JCAD: variants seen among roughly 807,000 people sequenced by gnomAD.
The protein encoded by JCAD is junctional cadherin 5 associated, also known as junctional cadherin 5-associated protein.
In JCAD, 40 loss-of-function variants were observed where a neutral mutation model predicts 98.0. That is an observed-to-expected ratio of 0.41 (90% CI 0.32 to 0.53). The LOEUF is 0.53. Among genes scored for constraint, JCAD ranks in the 20% least tolerant of loss-of-function variants. JCAD has a pLI of 0.31. For synonymous variants in JCAD, 691 were observed against 682.3 expected (o/e 1.01, Z -0.20); for missense variants, 1,705 against 1,738.1 (o/e 0.98, Z 0.34).
chr10:30,042,827 G>A lies in JCAD; in HGVS notation c.281+4705C>T, dbSNP rs548927231. On this transcript the variant is annotated intron_variant, in intron 2 of 3. Transcript: ENST00000375377. The stretch of plus-strand genomic sequence containing the variant: ...AGGTTCCACTTCCTGCCTCCCAAAG[G>A]ATCTATGAAGGAGGGAAACTTTACT... Among the ~76,000 whole-genome samples the A allele has an allele frequency of 1.9e-4, 29 of 152,130 alleles. 1 individual carries two copies. The South Asian group carries it at 5.8e-3, about 31-fold the overall frequency.
At chr10:30,038,382 AG>A (rs1218927192) in intron 2 of JCAD, among the ~76,000 whole-genome samples, 1 of 152,118 alleles carries the variant, frequency 6.6e-6, no homozygotes, top group Non-Finnish European at 1.5e-5. Flanking sequence ...ACCAACCTAC[AG>A]GTAGCGAAGA....
intron 2 of JCAD, among the ~76,000 whole-genome samples, chr10:30,041,745 T>C (rs1003970615): frequency 1.3e-5 from 2 of 152,224 alleles, no homozygotes; most frequent in East Asian, 1.9e-4. Flanking sequence ...AATTATGGTA[T>C]AACTTTCAGC....
chr10:30,047,970 C>A, intron 1 of JCAD, 99 bp from the exon 2 acceptor site: 1 of 658,334 alleles, frequency 1.5e-6, no homozygotes, highest in Non-Finnish European at 2.6e-6. Context: ...CAGACCATGG[C>A]GATGGACACA....
At position 30,023,196 on chromosome 10, in the gene JCAD, C is replaced by A. The variant is rs577158331; in HGVS notation, c.4045+2907G>T. 3.1e-4 allele frequency among the ~76,000 whole-genome samples: 47 copies of A among 152,116 alleles called. No homozygotes were observed. The South Asian group carries it at 8.5e-3, about 28-fold the overall frequency. On this transcript the variant is annotated intron_variant, in intron 3 of 3. Transcript: ENST00000375377. ...GGGATTACAGGTGCCTGCCATTACA[C>A]CCAGCTAATTTTTGTATTTTTAGTA...
rs1260132159 is a variant in JCAD, at chr10:30,016,237, C to CGA, written c.*1645_*1646insTC. 6.6e-6 allele frequency: 1 copy of CGA among 152,068 alleles called. No individual in the cohort carries two copies. Among genetic ancestry groups the CGA allele is most frequent in the East Asian group, 1.9e-4 (1 of 5,182 alleles). The allele number at this position is 152,068 out of a possible 1,614,324, so 9.4% of individuals were successfully genotyped here. On this transcript the variant is annotated 3_prime_UTR_variant, in exon 4 of 4. Coordinates refer to ENST00000375377, the MANE Select transcript of JCAD (RefSeq NM_020848.4). The stretch of plus-strand genomic sequence containing the variant: ...AAAGGACAGATCACCCAACGGTTCA[C>CGA]ATTTTAGGAATTCGAAATGTCTAAA...
At chr10:30,077,328 G>A (rs886733237) in intron 1 of JCAD, among the ~76,000 whole-genome samples, 5 of 152,136 alleles carry the variant, frequency 3.3e-5, no homozygotes, top group Admixed American at 1.3e-4. Context: ...CCAAGCTGGA[G>A]TGCAGTGGTA....
At chr10:30,086,273 C>T (rs1838165592) in intron 1 of JCAD, among the ~76,000 whole-genome samples, 1 of 152,128 alleles carries the variant, frequency 6.6e-6, no homozygotes, top group South Asian at 2.1e-4. Flanking sequence ...TTTTCCCCTC[C>T]ACACCCTTAG....
In JCAD at chr10:30,050,153, A is replaced by G. The variant is rs189766552; in HGVS notation, c.-59-2282T>C. ...AACATGGTGAGAGCCTGTCTCTACT[A>G]AAAATACAAAAATTAGCCAGGCATG... On this transcript the variant is annotated intron_variant, in intron 1 of 3. Coordinates refer to ENST00000375377, the MANE Select transcript of JCAD (RefSeq NM_020848.4). Among the ~76,000 whole-genome samples the G allele has an allele frequency of 1.4e-4, 22 of 151,940 alleles. No individual in the cohort carries two copies. The East Asian group carries it at 3.3e-3, about 23-fold the overall frequency.
chr10:30,108,474 G>C (rs1162483005), intron 1 of JCAD, among the ~76,000 whole-genome samples: 1 of 152,094 alleles, frequency 6.6e-6, no homozygotes, highest in Non-Finnish European at 1.5e-5. Context: ...GCAATGGGGC[G>C]ACGAGAATTT....
intron 3 of JCAD, among the ~76,000 whole-genome samples, chr10:30,021,455 G>C (rs1836658363): frequency 1.3e-5 from 2 of 152,126 alleles, no homozygotes; most frequent in Admixed American, 6.5e-5. Context: ...GCCTCCGAAA[G>C]TACTGGGATT....
chr10:30,074,875 C>T (rs1038877137), intron 1 of JCAD, among the ~76,000 whole-genome samples: 9 of 152,182 alleles, frequency 5.9e-5, no homozygotes, highest in African/African-American at 2.2e-4. Context: ...TCACTGCAGC[C>T]TCAACCTCCT....
chr10:30,096,621 T>A lies in JCAD; in HGVS notation n.128+18746A>T, dbSNP rs547871964. 8.1e-4 allele frequency among the ~76,000 whole-genome samples: 102 copies of A among 125,232 alleles called. 2 individuals are homozygous for A. The East Asian group carries it at 0.019, about 23-fold the overall frequency. 82.2% of individuals were successfully genotyped at this position (125,232 alleles called of 152,430 possible). On this transcript the variant is annotated intron_variant and non_coding_transcript_variant, in intron 1 of 2. Transcript: ENST00000465712. ...AGCTCATCAGTTCAATGAGCTGGGATTTTTTTTTTTTTTTTAATGAGCATC... is the reference window on the plus strand; with the variant it reads ...AGCTCATCAGTTCAATGAGCTGGGAATTTTTTTTTTTTTTTAATGAGCATC...
intron 1 of JCAD, among the ~76,000 whole-genome samples, chr10:30,051,284 G>GCGCACACA (rs1554798252): frequency 4.8e-5 from 7 of 146,870 alleles, no homozygotes; most frequent in African/African-American, 7.4e-5. Flanking sequence ...ACACACGCAC[G>GCGCACACA]CACACACACA....
chr10:30,052,318 A>G (rs920139725), intron 1 of JCAD, among the ~76,000 whole-genome samples: 43 of 152,222 alleles, frequency 2.8e-4, no homozygotes, highest in African/African-American at 9.4e-4. Context: ...CTCCTGAAGG[A>G]GTAAAATGAG....
At chr10:30,110,403 GTGTATGGACCGGCTAA>G (rs1159865173) in intron 1 of JCAD, among the ~76,000 whole-genome samples, 4 of 150,772 alleles carry the variant, frequency 2.7e-5, no homozygotes, top group Admixed American at 2.0e-4. Context: ...GGACCAGCTG[GTGTATGGACCGGCTAA>G]TGTATGGACC....
At chr10:30,060,434 G>T (rs951678183), upstream of JCAD, among the ~76,000 whole-genome samples, 17 of 152,268 alleles carry the variant, frequency 1.1e-4, no homozygotes, top group African/African-American at 4.1e-4. Flanking sequence ...AGCGGGAAGG[G>T]GCAGAAAGAT....
chr10:30,023,496 G>A (rs2132606921), intron 3 of JCAD, among the ~76,000 whole-genome samples: 1 of 152,234 alleles, frequency 6.6e-6, no homozygotes, highest in African/African-American at 2.4e-5. Context: ...TACCATCTAG[G>A]TTTGTAGAAG....
chr10:30,053,217 G>A (rs1837504006), intron 1 of JCAD, among the ~76,000 whole-genome samples: 2 of 152,020 alleles, frequency 1.3e-5, no homozygotes, highest in Admixed American at 1.3e-4. Flanking sequence ...ATAAATGGTG[G>A]GGGGTGGGGG....
Position 30,027,994 on chromosome 10 carries a change from C to CA in JCAD, c.2153dup (p.Leu718PhefsTer23). ...CAGCAGGGTCTGAACATTTTGGACT[C>CA]AATGCTGCACGACTCGGCCCTCCCA... On this transcript the variant is annotated frameshift_variant, in exon 3 of 4. Coordinates refer to ENST00000375377, the MANE Select transcript of JCAD (RefSeq NM_020848.4). LOFTEE classifies it high-confidence loss of function. 1 of 1,614,232 alleles carries CA rather than the reference C, an allele frequency of 6.2e-7. No homozygotes were observed. Among genetic ancestry groups the CA allele is most frequent in the Non-Finnish European group, 8.5e-7 (1 of 1,180,050 alleles).
Sources: allele counts gnomAD v4.1 joint callset (sites outside exome capture counted in the v4.1 genomes callset), GRCh38; gene constraint gnomAD v4.1.1; transcripts MANE v1.5; gene names NCBI Gene and HGNC (gene_info 2026-07-23, HGNC 2026-07-21).